The following GRAMD1A variants were observed in gnomAD, a reference collection of about 807,000 sequenced individuals.
The protein encoded by GRAMD1A is protein Aster-A.
A neutral mutation model predicts 92.0 loss-of-function variants in GRAMD1A; 50 were observed. That is an observed-to-expected ratio of 0.54 (90% CI 0.43 to 0.69). The LOEUF is 0.69. Ranked by LOEUF, GRAMD1A falls within the 30% of genes least tolerant of loss-of-function variation. The pLI, the probability that GRAMD1A is intolerant of heterozygous loss-of-function variation, is 0.00. For missense variants in GRAMD1A, 819 were observed against 978.9 expected (o/e 0.84, Z 2.18); for synonymous variants, 405 against 403.6 (o/e 1.00, Z -0.04).
chr19:35,012,954 G>A lies in GRAMD1A; in HGVS notation c.607-302G>A, dbSNP rs946092845. The A allele has an allele frequency of 1.2e-4, 38 of 316,622 alleles. 1 individual carries two copies. In the East Asian group the frequency reaches 2.0e-3, roughly 17 times the overall value. 19.6% of individuals were successfully genotyped at this position (316,622 alleles called of 1,614,324 possible). On this transcript the variant is annotated intron_variant, in intron 7 of 19. Coordinates refer to ENST00000317991, the MANE Select transcript of GRAMD1A (RefSeq NM_020895.5). ...CACACCACTGCACTCCAGCCTGAGCGACAGAGCCAGACTCCATCTCCAAAA... is the reference window on the plus strand; with the variant it reads ...CACACCACTGCACTCCAGCCTGAGCAACAGAGCCAGACTCCATCTCCAAAA...
chr19:34,995,576 T>TTTTTTTG (rs2013997732), upstream of GRAMD1A, among the ~76,000 whole-genome samples: 2 of 104,610 alleles, frequency 1.9e-5, no homozygotes, highest in African/African-American at 6.9e-5. Context: ...CACGGGTTTT[T>TTTTTTTG]TTTTTTTTTT....
rs768145018 is a variant in GRAMD1A, at chr19:35,013,269, G to A, written c.620G>A (p.Arg207His). Residue 207 changes from arginine to histidine, a missense_variant, in exon 8 of 20, where the codon CGC (arginine) becomes CAC (histidine). Arg to His is a conservative substitution (Grantham distance 29, BLOSUM62 0). This residue lies in a region of GRAMD1A where 144 missense variants were observed against 220.3 expected (regional missense o/e 0.65). Transcript: ENST00000317991. This position sits in a 1 kb window ranked among gnomAD's most constrained non-coding sequence, Gnocchi z 4.9. ...NALLEKTLSP[R>H]ELWHLVHQCY... ...CCGCCTCCCCAGACGCTGAGTCCCC[G>A]CGAGCTCTGGCACCTGGTGCATCAG... 7.8e-6 allele frequency: 12 copies of A among 1,542,884 alleles called. No homozygotes were observed. The highest frequency in any genetic ancestry group is 5.5e-5 in the African/African-American group (4 of 72,852).
In GRAMD1A at chr19:35,023,511, G is replaced by A; in HGVS notation, c.2046G>A (p.Arg682=). 2 of 1,584,252 alleles carry A rather than the reference G, an allele frequency of 1.3e-6. No individual in the cohort carries two copies. The highest frequency in any genetic ancestry group is 1.1e-5 in the South Asian group (1 of 87,930). ...QFHSVEVHKW[R]QILRASVELL... is the part of the protein sequence containing the mutation. ...ACAGCGTGGAGGTGCACAAGTGGAG[G>A]CAGATCCTGCGGGCCTCCGTGGAGC... Residue 682 remains arginine, a synonymous_variant, in exon 19 of 20, where the codon AGG becomes AGA. Coordinates refer to ENST00000317991, the MANE Select transcript of GRAMD1A (RefSeq NM_020895.5).
intron 1 of GRAMD1A, among the ~76,000 whole-genome samples, chr19:35,006,721 C>T (rs1408639613): frequency 4.6e-5 from 7 of 152,168 alleles, no homozygotes; most frequent in Admixed American, 1.3e-4. Context: ...ATTGAGCATT[C>T]ACTATGTGCC....
rs373901832 is a variant in GRAMD1A at position 35,021,863 on chromosome 19, G to A, written c.1752G>A (p.Ser584=). 3.6e-5 allele frequency: 58 copies of A among 1,604,278 alleles called. No homozygotes were observed. The highest frequency in any genetic ancestry group is 4.8e-5 in the Non-Finnish European group (56 of 1,174,250). Reference sequence around the variant, plus strand: ...GTGCCCGGGCCGGCATTCACACCTCGGGTACGTTCCGTTGGGGCCGGGTTG... The same window carrying A: ...GTGCCCGGGCCGGCATTCACACCTCAGGTACGTTCCGTTGGGGCCGGGTTG... ...DPCARAGIHT[S]GSLSSRFSEP... Residue 584 remains serine, a splice_region_variant and synonymous_variant, in exon 15 of 20, where the codon TCG becomes TCA. Transcript: ENST00000317991. This position sits in a 1 kb window ranked among gnomAD's most constrained non-coding sequence, Gnocchi z 5.3.
chr19:35,022,748 C>T lies in GRAMD1A; in HGVS notation c.1842-152C>T, dbSNP rs1600340995. 8.8e-6 allele frequency: 5 copies of T among 565,362 alleles called. No homozygotes were observed. The East Asian group carries it at 2.0e-4, about 23-fold the overall frequency. The allele number at this position is 565,362 out of a possible 1,614,324, so 35.0% of individuals were successfully genotyped here. ...AGGTGAGGGTCAGGCCAGCTACATG[C>T]TCAGCCTCTGAGCCTCAGCTCTCAG... is the stretch of plus-strand genomic sequence containing the variant. On this transcript the variant is annotated intron_variant, in intron 16 of 19. Transcript: ENST00000317991.
At chr19:35,022,868 C>A in intron 16 of GRAMD1A, 32 bp from the exon 17 acceptor site, 2 of 1,601,642 alleles carry the variant, frequency 1.2e-6, no homozygotes, top group Non-Finnish European at 1.7e-6. Context: ...CGGCGCTCAT[C>A]TCTCTGTCTC....
chr19:35,000,548 G>C lies in GRAMD1A; in HGVS notation c.8+62G>C, dbSNP rs1351201155. ...CGCGGGGGAGGCCACCGGAGGGAGG[G>C]GGCGCCGCGGGCTTGGGGAGGGGGC... is the stretch of plus-strand genomic sequence containing the variant. On this transcript the variant is annotated intron_variant, in intron 1 of 19. Coordinates refer to ENST00000317991, the MANE Select transcript of GRAMD1A (RefSeq NM_020895.5). This position sits in a 1 kb window ranked among gnomAD's most constrained non-coding sequence, Gnocchi z 4.9. The C allele has an allele frequency of 3.3e-6, 4 of 1,214,126 alleles. No homozygotes were observed. The African/African-American group carries it at 6.4e-5, about 19-fold the overall frequency. The allele number at this position is 1,214,126 out of a possible 1,614,324, so 75.2% of individuals were successfully genotyped here.
intron 11 of GRAMD1A, among the ~76,000 whole-genome samples, chr19:35,017,917 C>T (rs1287031988): frequency 6.6e-6 from 1 of 152,188 alleles, no homozygotes; most frequent in Admixed American, 6.5e-5. Flanking sequence ...CCTGGTCTCC[C>T]ACTGGCCTCC....
At chr19:35,007,282 G>A (rs1367656285) in intron 1 of GRAMD1A, among the ~76,000 whole-genome samples, 13 of 151,978 alleles carry the variant, frequency 8.6e-5, no homozygotes, top group Non-Finnish European at 1.6e-4. Flanking sequence ...TGCTGGGTGC[G>A]GTGGCTCACG....
In GRAMD1A at chr19:35,026,110, C is replaced by A; in HGVS notation, c.2144C>A (p.Thr715Asn). 6.3e-7 allele frequency: 1 copy of A among 1,598,390 alleles called. No homozygotes were observed. Among genetic ancestry groups the A allele is most frequent in the Non-Finnish European group, 8.6e-7 (1 of 1,165,706 alleles). The change falls in exon 20 of 20, where the codon ACC (threonine) becomes AAC (asparagine). Residue 715 changes from threonine to asparagine, a missense_variant. Physicochemically the swap from Thr to Asn is moderately conservative, Grantham distance 65 (BLOSUM62 0). Around this residue, in one of 3 missense-constraint regions of GRAMD1A, gnomAD observed 577 missense variants for 674.6 expected, o/e 0.86. Coordinates refer to ENST00000317991, the MANE Select transcript of GRAMD1A (RefSeq NM_020895.5). ...ACAGTCTCAGACCCTCCCTTTGACA[C>A]CCAGCCCCGGCCCGATGACAGCTTT... ...GITVSDPPFD[T>N]QPRPDDSFS
chr19:35,014,605 C>T (rs2015493592), intron 10 of GRAMD1A: 3 of 588,730 alleles, frequency 5.1e-6, no homozygotes, highest in Non-Finnish European at 9.1e-6. Context: ...CCGCGGTTCA[C>T]ATCCTGGTCA....
At chr19:34,996,245 C>T (rs1008854633), upstream of GRAMD1A, 49 of 1,535,316 alleles carry the variant, frequency 3.2e-5, no homozygotes, top group Admixed American at 3.9e-5. Context: ...CCCCCGACGC[C>T]GGCAGCAGCA....
chr19:34,996,357 G>C, upstream of GRAMD1A: 3 of 1,327,158 alleles, frequency 2.3e-6, no homozygotes, highest in Non-Finnish European at 3.0e-6. Flanking sequence ...CTCTGTCAAG[G>C]GTGGGTTCCT....
chr19:35,011,385 G>A (rs1010606260), intron 6 of GRAMD1A, 89 bp from the exon 7 acceptor site: 19 of 922,616 alleles, frequency 2.1e-5, no homozygotes, highest in Non-Finnish European at 2.8e-5. Flanking sequence ...AAGATGTGGC[G>A]TCAGCGCAGA....
chr19:35,011,842 T>C (rs1178435453), intron 7 of GRAMD1A, among the ~76,000 whole-genome samples: 1 of 152,134 alleles, frequency 6.6e-6, no homozygotes, highest in African/African-American at 2.4e-5. Context: ...GGATAGAGGC[T>C]GGGAGGTCAT....
intron 1 of GRAMD1A, among the ~76,000 whole-genome samples, chr19:35,001,674 C>T (rs895952040): frequency 8.6e-5 from 13 of 151,814 alleles, no homozygotes; most frequent in Admixed American, 2.6e-4. Flanking sequence ...GTGGCACGAT[C>T]TCGGCCCACT....
chr19:35,011,463 C>G lies in GRAMD1A; in HGVS notation c.526-11C>G, dbSNP rs774900102. ...CCTGCTCACACCTCTCTCTCTCTCT[C>G]TCCCTGACAGCATTTCTTCACTTCC... is the stretch of plus-strand genomic sequence containing the variant. On this transcript the variant is annotated splice_polypyrimidine_tract_variant and intron_variant, in intron 6 of 19. Transcript: ENST00000317991. The G allele has an allele frequency of 6.2e-7, 1 of 1,603,560 alleles. No individual in the cohort carries two copies. The highest frequency in any genetic ancestry group is 8.5e-7 in the Non-Finnish European group (1 of 1,174,398).
intron 2 of GRAMD1A, 23 bp downstream of exon 2, chr19:35,009,352 T>TG: frequency 6.2e-7 from 1 of 1,613,372 alleles, no homozygotes; most frequent in Non-Finnish European, 8.5e-7. Flanking sequence ...CCAGGTGGGG[T>TG]GGGGAGAGGG....
Sources: allele counts gnomAD v4.1 joint callset (sites outside exome capture counted in the v4.1 genomes callset), GRCh38; gene constraint gnomAD v4.1.1; regional missense constraint gnomAD v4.1.1; non-coding constraint Gnocchi (gnomAD v3.1); transcripts MANE v1.5; gene names NCBI Gene and HGNC (gene_info 2026-07-23, HGNC 2026-07-21).